Variants in MCCC1 observed in about 807,000 individuals in gnomAD.
The protein encoded by MCCC1 is methylcrotonyl-CoA carboxylase subunit 1.
In MCCC1, 64 loss-of-function variants were observed where a neutral mutation model predicts 83.8. The observed-to-expected ratio is 0.76, with a 90% CI of 0.62 to 0.94. The LOEUF (loss-of-function observed/expected upper bound fraction) is 0.94, where lower values mean the gene tolerates loss of function less well. Among genes scored for constraint, MCCC1 ranks in the 40% least tolerant of loss-of-function variants. MCCC1 has a pLI of 0.00. For synonymous variants in MCCC1, 322 were observed against 315.4 expected (o/e 1.02, Z -0.22); for missense variants, 807 against 904.7 (o/e 0.89, Z 1.39).
At chr3:183,100,053 G>T (rs146565400), upstream of MCCC1, among the ~76,000 whole-genome samples, 64 of 152,278 alleles carry the variant, frequency 4.2e-4, no homozygotes, top group African/African-American at 1.5e-3. Flanking sequence ...GCAGGAGGGA[G>T]AAATTAGGGA....
upstream of MCCC1, among the ~76,000 whole-genome samples, chr3:183,104,103 G>C (rs1319800320): frequency 6.6e-6 from 1 of 152,176 alleles, no homozygotes; most frequent in African/African-American, 2.4e-5. Context: ...GCCGCGCGCA[G>C]CCCCGGTTCC....
intron 1 of MCCC1, chr3:183,115,368 C>G (rs903047846): frequency 6.6e-6 from 1 of 152,132 alleles, no homozygotes; most frequent in Non-Finnish European, 1.5e-5. Flanking sequence ...TGTTAAATAC[C>G]ATGTTCAAGA....
Position 183,098,949 on chromosome 3 carries a change from T to G in MCCC1, c.89+403A>C, listed in dbSNP as rs1718938881. ...GGCCCCATTTCTTACTAGCTGTGTT[T>G]CGTTGAGGAAGTCGTTGATCCCTTT... On this transcript the variant is annotated intron_variant, in intron 1 of 18. Transcript: ENST00000265594. 4 of 295,574 alleles carry G rather than the reference T, an allele frequency of 1.4e-5. No individual in the cohort carries two copies. In the South Asian group the frequency reaches 1.6e-4, roughly 12 times the overall value. The allele number at this position is 295,574 out of a possible 1,614,324, so 18.3% of individuals were successfully genotyped here.
intron 7 of MCCC1, among the ~76,000 whole-genome samples, chr3:183,067,347 A>G (rs1716330154): frequency 6.6e-6 from 1 of 152,244 alleles, no homozygotes; most frequent in South Asian, 2.1e-4. Context: ...AATACAAAAA[A>G]GGTCTTCTCT....
chr3:183,018,571 G>A (rs1467693868), intron 17 of MCCC1, among the ~76,000 whole-genome samples: 2 of 152,244 alleles, frequency 1.3e-5, no homozygotes, highest in Non-Finnish European at 2.9e-5. Context: ...TCGTCCATGG[G>A]TAGCACTGCT....
chr3:183,080,364 T>G (rs1030997446), intron 4 of MCCC1, among the ~76,000 whole-genome samples: 1 of 152,182 alleles, frequency 6.6e-6, no homozygotes, highest in African/African-American at 2.4e-5. Context: ...CTCTCAAGTT[T>G]GAAGGTCCAC....
At chr3:183,073,754 T>A (rs548595457) in intron 4 of MCCC1, among the ~76,000 whole-genome samples, 1 of 152,228 alleles carries the variant, frequency 6.6e-6, no homozygotes, top group Admixed American at 6.5e-5. Flanking sequence ...TCAACATACA[T>A]ATTTTTTTCT....
At chr3:183,089,798 G>C (rs1718182793) in intron 3 of MCCC1, among the ~76,000 whole-genome samples, 1 of 152,126 alleles carries the variant, frequency 6.6e-6, no homozygotes, top group African/African-American at 2.4e-5. Context: ...TGACATTATT[G>C]TTTTTATTAG....
chr3:183,051,694 G>A (rs565043370), intron 9 of MCCC1, among the ~76,000 whole-genome samples: 6 of 151,690 alleles, frequency 4.0e-5, no homozygotes, highest in Non-Finnish European at 8.8e-5. Context: ...TGTCAATGTA[G>A]GGTCGCTGAC....
intron 16 of MCCC1, among the ~76,000 whole-genome samples, 194 bp downstream of exon 16, chr3:183,022,223 A>C (rs1430117561): frequency 1.3e-5 from 2 of 152,246 alleles, no homozygotes; most frequent in African/African-American, 4.8e-5. Flanking sequence ...TGTGTGAACG[A>C]GAGAAGTGAA....
At chr3:183,115,163 A>G (rs184931906) in intron 1 of MCCC1, among the ~76,000 whole-genome samples, 1 of 152,182 alleles carries the variant, frequency 6.6e-6, no homozygotes, top group Admixed American at 6.5e-5. Flanking sequence ...CTCTCATGGA[A>G]AACAATCCTC....
chr3:183,070,457 G>A (rs898555251), intron 7 of MCCC1, among the ~76,000 whole-genome samples: 1 of 152,134 alleles, frequency 6.6e-6, no homozygotes, highest in Non-Finnish European at 1.5e-5. Flanking sequence ...TTCACTGGCC[G>A]GGCACAGTGG....
intron 7 of MCCC1, among the ~76,000 whole-genome samples, chr3:183,062,090 T>C (rs529216187): frequency 1.3e-5 from 2 of 152,318 alleles, no homozygotes; most frequent in African/African-American, 4.8e-5. Context: ...CTTCACCTCC[T>C]GCCATGATTG....
At position 183,039,121 on chromosome 3, in the gene MCCC1, C is replaced by T. The variant is rs150943644; in HGVS notation, c.1282G>A (p.Val428Met). The change falls in exon 12 of 19, where the codon GTG becomes ATG. Residue 428 changes from valine (V) to methionine (M), a missense_variant. Val to Met is a conservative substitution (Grantham distance 21, BLOSUM62 1). Coordinates refer to ENST00000265594, the MANE Select transcript of MCCC1 (RefSeq NM_020166.5). ...TTCGCAATCATGGGGTCATAATGCA[C>T]GGAAACTTCGTCTCCTGAAATTGAA... ...TGVRQGDEVS[V>M]HYDPMIAKLV... is the part of the protein sequence containing the mutation. 40 of 1,614,078 alleles carry T rather than the reference C, an allele frequency of 2.5e-5. No homozygotes were observed. Among genetic ancestry groups the T allele is most frequent in the African/African-American group, 1.9e-4 (14 of 74,924 alleles).
At chr3:183,072,644 T>G (rs927795208) in intron 4 of MCCC1, among the ~76,000 whole-genome samples, 157 bp from the exon 5 acceptor site, 2 of 152,204 alleles carry the variant, frequency 1.3e-5, no homozygotes, top group Non-Finnish European at 2.9e-5. Context: ...TCTGAAATAT[T>G]CATATGAAAG....
intron 5 of MCCC1, 100 bp from the exon 6 acceptor site, chr3:183,071,457 CTT>C: frequency 7.1e-6 from 11 of 1,545,022 alleles, no homozygotes; most frequent in Non-Finnish European, 9.8e-6. Context: ...CAATGGAACT[CTT>C]TAAAGAAAAC....
At chr3:183,053,315 C>T (rs1002759385) in intron 8 of MCCC1, among the ~76,000 whole-genome samples, 7 of 151,792 alleles carry the variant, frequency 4.6e-5, no homozygotes, top group African/African-American at 1.5e-4. Flanking sequence ...ATGGCGAGAC[C>T]CTGTCTCTAC....
chr3:183,040,575 T>G (rs563107177), intron 11 of MCCC1, among the ~76,000 whole-genome samples: 941 of 51,076 alleles, frequency 0.018, 9 homozygotes, highest in African/African-American at 0.049. Context: ...AAAAAAAAAT[T>G]AGCTAGGCAT....
At chr3:183,102,757 A>ATTT (rs1719334642), upstream of MCCC1, among the ~76,000 whole-genome samples, 1 of 96,454 alleles carries the variant, frequency 1.0e-5, no homozygotes, top group Non-Finnish European at 2.1e-5. Context: ...GAGCAGAGAA[A>ATTT]GTTTTTTTTT....
Sources: gnomAD v4.1 joint callset for allele counts (sites outside exome capture counted in the v4.1 genomes callset) on GRCh38, gnomAD v4.1.1 for gene constraint, MANE v1.5 for transcripts, NCBI Gene and HGNC (gene_info 2026-07-23, HGNC 2026-07-21) for gene names.